SUSD5: variants seen among roughly 807,000 people sequenced by gnomAD.
SUSD5 encodes sushi domain containing 5.
In SUSD5, 33 loss-of-function variants were observed where a neutral mutation model predicts 29.5. The ratio of observed to expected loss-of-function variants is 1.12; its 90% CI spans 0.85 to 1.49. The LOEUF (loss-of-function observed/expected upper bound fraction) is 1.49, where lower values mean the gene tolerates loss of function less well. Ranked by LOEUF, SUSD5 falls within the 40% of genes most tolerant of loss-of-function variation. SUSD5 has a pLI of 0.00. For synonymous variants in SUSD5, 308 were observed against 325.3 expected, an observed-to-expected ratio of 0.95 and a Z score of 0.57; for missense variants, 776 against 800.6, an observed-to-expected ratio of 0.97 and a Z score of 0.37.
At chr3:33,169,422 T>C (rs1465155494) in intron 4 of SUSD5, among the ~76,000 whole-genome samples, 15 of 151,994 alleles carry the variant, frequency 9.9e-5, no homozygotes, top group Admixed American at 9.8e-4. Context: ...GGTTTCACCA[T>C]GTTGACCAGG....
intron 3 of SUSD5, among the ~76,000 whole-genome samples, chr3:33,200,020 T>C (rs1262298790): frequency 1.3e-5 from 2 of 152,184 alleles, no homozygotes; most frequent in Non-Finnish European, 1.5e-5. Context: ...TTTGAGCCAA[T>C]AAGTTTCTGT....
chr3:33,174,542 T>C (rs1463768581), intron 4 of SUSD5, among the ~76,000 whole-genome samples: 1 of 152,178 alleles, frequency 6.6e-6, no homozygotes, highest in African/African-American at 2.4e-5. Context: ...CCAGAAGCAA[T>C]GCTGCTTTGT....
At chr3:33,213,205 G>A (rs1202969989) in intron 2 of SUSD5, among the ~76,000 whole-genome samples, 4 of 151,976 alleles carry the variant, frequency 2.6e-5, no homozygotes, top group South Asian at 2.1e-4. Flanking sequence ...GTCAGAGTTC[G>A]AGACCAGCCT....
At position 33,153,234 on chromosome 3, in the gene SUSD5, C is replaced by G. The variant is rs763797995; in HGVS notation, c.1398G>C (p.Thr466=). The G allele has an allele frequency of 3.7e-6, 6 of 1,613,762 alleles. No individual in the cohort carries two copies. Among genetic ancestry groups the G allele is most frequent in the Middle Eastern group, 1.7e-4 (1 of 6,060 alleles). Residue 466 remains threonine, a synonymous_variant, in exon 5 of 5, where the codon ACG becomes ACC. Coordinates refer to ENST00000309558, the MANE Select transcript of SUSD5 (RefSeq NM_015551.2). ...ETEGIGDGDL[T]KYQSTLPWRF... ...TCCAGGGTAGAGTTGACTGGTACTT[C>G]GTCAAGTCACCATCCCCAATGCCCT...
At chr3:33,209,450 T>C (rs1338001881) in intron 2 of SUSD5, among the ~76,000 whole-genome samples, 1 of 152,146 alleles carries the variant, frequency 6.6e-6, no homozygotes, top group African/African-American at 2.4e-5. Context: ...TGTATAATTT[T>C]TCATCCTTTT....
At chr3:33,180,371 ATTTT>A (rs933330732) in intron 3 of SUSD5, among the ~76,000 whole-genome samples, 1 of 114,352 alleles carries the variant, frequency 8.7e-6, no homozygotes, top group Non-Finnish European at 2.1e-5. Context: ...TTAAAAAAAA[ATTTT>A]TTTGAGACAT....
chr3:33,168,243 CT>C (rs200294822), intron 4 of SUSD5, among the ~76,000 whole-genome samples: 64 of 151,430 alleles, frequency 4.2e-4, no homozygotes, highest in South Asian at 6.3e-4. Context: ...CACGTACCCT[CT>C]TTTTTTTTCC....
Position 33,174,919 on chromosome 3 carries a change from C to G in SUSD5, c.565G>C (p.Glu189Gln). The G allele has an allele frequency of 6.2e-7, 1 of 1,614,042 alleles. No homozygotes were observed. The highest frequency in any genetic ancestry group is 8.5e-7 in the Non-Finnish European group (1 of 1,179,904). The change falls in exon 4 of 5, where the codon GAG becomes CAG. Residue 189 changes from glutamate to glutamine, a missense_variant. By Grantham distance (29) the Glu-to-Gln change is conservative. Transcript: ENST00000309558. Reference protein sequence around the residue: ...AFTLLCNSCGEWYGLVQACGK... With the variant: ...AFTLLCNSCGQWYGLVQACGK... Reference sequence around the variant, plus strand: ...CAGGCCTGCACCAGGCCGTACCACTCCCCACAGCTGTTACATAGCAAGGTG... The same window carrying G: ...CAGGCCTGCACCAGGCCGTACCACTGCCCACAGCTGTTACATAGCAAGGTG...
Position 33,167,685 on chromosome 3 carries a change from T to C in SUSD5, c.598+7201A>G, listed in dbSNP as rs2031333313. On this transcript the variant is annotated intron_variant, in intron 4 of 4. Transcript: ENST00000309558. This position sits in a 1 kb window ranked among gnomAD's most constrained non-coding sequence, Gnocchi z 4.1. ...TGAGTGTTTACAATTAGCCTACTTA[T>C]GAAGAAGTATCCAAAGCTTATTTTT... Among the ~76,000 whole-genome samples, 1 of 152,216 alleles carries C rather than the reference T, an allele frequency of 6.6e-6. No homozygotes were observed. Among genetic ancestry groups the C allele is most frequent in the Non-Finnish European group, 1.5e-5 (1 of 68,038 alleles).
At chr3:33,173,830 C>T (rs190471576) in intron 4 of SUSD5, among the ~76,000 whole-genome samples, 5 of 152,232 alleles carry the variant, frequency 3.3e-5, no homozygotes, top group Admixed American at 2.0e-4. Flanking sequence ...GCATGAGGTC[C>T]GAGGTATAGG....
At chr3:33,178,104 T>G (rs1407954004) in intron 3 of SUSD5, among the ~76,000 whole-genome samples, 1 of 152,204 alleles carries the variant, frequency 6.6e-6, no homozygotes, top group Non-Finnish European at 1.5e-5. Flanking sequence ...GCTGTAGGTT[T>G]TTTTGTTTTG....
rs1381378033 is a variant in SUSD5, at chr3:33,153,394, A to G, written c.1238T>C (p.Ile413Thr). The change falls in exon 5 of 5, where the codon ATT (isoleucine) becomes ACT (threonine). Residue 413 changes from isoleucine (I) to threonine (T), a missense_variant. Ile to Thr is a moderately conservative substitution (Grantham distance 89, BLOSUM62 -1). Transcript: ENST00000309558. Reference protein sequence around the residue: ...ENVLVTPDQPILVEVKKPKSS... With the variant: ...ENVLVTPDQPTLVEVKKPKSS... Reference sequence around the variant, plus strand: ...CTTGGGCTTCTTAACTTCCACAAGAATGGGCTGATCAGGAGTAACTAGGAC... The same window carrying G: ...CTTGGGCTTCTTAACTTCCACAAGAGTGGGCTGATCAGGAGTAACTAGGAC... The G allele has an allele frequency of 1.2e-6, 2 of 1,613,886 alleles. No homozygotes were observed. Among genetic ancestry groups the G allele is most frequent in the South Asian group, 1.1e-5 (1 of 91,052 alleles).
chr3:33,185,920 G>A (rs1418877464), intron 3 of SUSD5, among the ~76,000 whole-genome samples: 1 of 151,812 alleles, frequency 6.6e-6, no homozygotes, highest in Non-Finnish European at 1.5e-5. Flanking sequence ...CTCTAGAAGT[G>A]GAACTGCTGC....
intron 3 of SUSD5, among the ~76,000 whole-genome samples, chr3:33,197,800 TTTCA>T (rs1469807132): frequency 6.6e-6 from 1 of 152,252 alleles, no homozygotes; most frequent in African/African-American, 2.4e-5. Context: ...TGTATTAATA[TTTCA>T]TTCATTTTAT....
intron 3 of SUSD5, among the ~76,000 whole-genome samples, chr3:33,183,805 A>AT (rs1450558763): frequency 1.3e-5 from 2 of 150,406 alleles, no homozygotes; most frequent in African/African-American, 2.5e-5. Context: ...AAATTCTCTC[A>AT]TTTTTTGTTT....
chr3:33,164,609 A>G (rs2031266248), intron 4 of SUSD5, among the ~76,000 whole-genome samples: 1 of 152,216 alleles, frequency 6.6e-6, no homozygotes, highest in Non-Finnish European at 1.5e-5. Flanking sequence ...AACAGAAGAC[A>G]TTTGCAACAT....
At chr3:33,161,921 A>T (rs12107470) in intron 4 of SUSD5, among the ~76,000 whole-genome samples, 82,915 of 152,012 alleles carry the variant, frequency 0.55, 24,250 homozygotes, top group Middle Eastern at 0.66. Flanking sequence ...ATTAATAATT[A>T]TAACAAATAG....
chr3:33,212,521 A>T (rs923769645), intron 2 of SUSD5, among the ~76,000 whole-genome samples: 1 of 152,240 alleles, frequency 6.6e-6, no homozygotes, highest in African/African-American at 2.4e-5. Flanking sequence ...AGTCTTGCGT[A>T]TAATGTCTAG....
Position 33,191,382 on chromosome 3 carries a change from G to A in SUSD5, c.410-16308C>T, listed in dbSNP as rs374323370. 3.6e-4 allele frequency among the ~76,000 whole-genome samples: 54 copies of A among 151,970 alleles called. No individual in the cohort carries two copies. The South Asian group carries it at 5.2e-3, about 15-fold the overall frequency. ...CCTGACCTCATGATCCACCCGCCTCGGCCTCCCAAAGTGCTGGGATTACAG... is the reference window on the plus strand; with the variant it reads ...CCTGACCTCATGATCCACCCGCCTCAGCCTCCCAAAGTGCTGGGATTACAG... On this transcript the variant is annotated intron_variant, in intron 3 of 4. Coordinates refer to ENST00000309558, the MANE Select transcript of SUSD5 (RefSeq NM_015551.2).
Sources: gnomAD v4.1 joint callset for allele counts (sites outside exome capture counted in the v4.1 genomes callset) on GRCh38, gnomAD v4.1.1 for gene constraint, Gnocchi (gnomAD v3.1) non-coding constraint, MANE v1.5 for transcripts, NCBI Gene and HGNC (gene_info 2026-07-23, HGNC 2026-07-21) for gene names.